SH3GL2: variants seen among roughly 807,000 people sequenced by gnomAD.
SH3GL2 encodes the protein endophilin-A1.
A neutral mutation model predicts 46.0 loss-of-function variants in SH3GL2; 24 were observed. The ratio of observed to expected loss-of-function variants is 0.52; its 90% CI spans 0.38 to 0.73. The LOEUF is 0.73. Among genes scored for constraint, SH3GL2 ranks in the 30% least tolerant of loss-of-function variants. SH3GL2 has a pLI of 0.00. For synonymous variants in SH3GL2, 196 were observed against 147.1 expected (o/e 1.33, Z -2.40); for missense variants, 413 against 424.2 (o/e 0.97, Z 0.23).
chr9:17,755,022 G>A (rs1252626374), intron 2 of SH3GL2, among the ~76,000 whole-genome samples: 1 of 152,116 alleles, frequency 6.6e-6, no homozygotes, highest in Admixed American at 6.5e-5. Flanking sequence ...CCAATACTAT[G>A]TTAAATAGGA....
intron 1 of SH3GL2, among the ~76,000 whole-genome samples, chr9:17,634,971 C>T (rs899310552): frequency 2.6e-5 from 4 of 152,048 alleles, no homozygotes; most frequent in Non-Finnish European, 5.9e-5. Context: ...TTGAGCATTC[C>T]TTTTGTTTGT....
intron 1 of SH3GL2, among the ~76,000 whole-genome samples, chr9:17,684,323 G>A (rs888320327): frequency 6.6e-6 from 1 of 152,070 alleles, no homozygotes. Flanking sequence ...TACCTCCTTG[G>A]TAGAATTGAT....
chr9:17,599,608 T>C (rs938655717), intron 1 of SH3GL2, among the ~76,000 whole-genome samples: 4 of 152,258 alleles, frequency 2.6e-5, no homozygotes, highest in Admixed American at 2.0e-4. Flanking sequence ...TCCAGTCATA[T>C]GATGGAGTTT....
intron 1 of SH3GL2, among the ~76,000 whole-genome samples, chr9:17,615,753 C>T (rs1818979567): frequency 6.7e-6 from 1 of 148,360 alleles, no homozygotes. Flanking sequence ...ACCCACACTA[C>T]TTAATTACAG....
intron 1 of SH3GL2, among the ~76,000 whole-genome samples, chr9:17,702,828 A>G (rs759763861): frequency 2.1e-4 from 32 of 152,092 alleles, no homozygotes; most frequent in Non-Finnish European, 4.1e-4. Flanking sequence ...AGAGATTAAT[A>G]TACTGCAGAA....
At chr9:17,643,472 C>G (rs1348420727) in intron 1 of SH3GL2, among the ~76,000 whole-genome samples, 1 of 152,162 alleles carries the variant, frequency 6.6e-6, no homozygotes, top group African/African-American at 2.4e-5. Flanking sequence ...GGGAATGCTT[C>G]CAGCTTTTGC....
At chr9:17,649,100 C>T (rs1819893942) in intron 1 of SH3GL2, among the ~76,000 whole-genome samples, 3 of 152,134 alleles carry the variant, frequency 2.0e-5, no homozygotes, top group African/African-American at 4.8e-5. Flanking sequence ...CTCTAGTGTA[C>T]ATTTTTCATT....
At chr9:17,615,272 C>T (rs909571923) in intron 1 of SH3GL2, among the ~76,000 whole-genome samples, 5 of 152,128 alleles carry the variant, frequency 3.3e-5, no homozygotes, top group African/African-American at 1.2e-4. Context: ...TCAGATAAAT[C>T]CATATGATAG....
chr9:17,607,640 T>C (rs2134574045), intron 1 of SH3GL2, among the ~76,000 whole-genome samples: 1 of 152,366 alleles, frequency 6.6e-6, no homozygotes, highest in East Asian at 1.9e-4. Flanking sequence ...TTTTCCAAAG[T>C]ATTTTTTACA....
intron 5 of SH3GL2, among the ~76,000 whole-genome samples, chr9:17,787,873 C>G (rs1824005607): frequency 6.6e-6 from 1 of 152,110 alleles, no homozygotes; most frequent in Non-Finnish European, 1.5e-5. Flanking sequence ...GTTAGTTGTA[C>G]TAGTTGTTAG....
intron 1 of SH3GL2, among the ~76,000 whole-genome samples, chr9:17,691,734 C>G (rs888526733): frequency 6.6e-6 from 1 of 152,100 alleles, no homozygotes; most frequent in African/African-American, 2.4e-5. Flanking sequence ...CTAATTTGTA[C>G]TATTCACTAA....
chr9:17,723,756 T>A (rs745737957), intron 1 of SH3GL2, among the ~76,000 whole-genome samples: 1 of 152,124 alleles, frequency 6.6e-6, no homozygotes, highest in African/African-American at 2.4e-5. Flanking sequence ...TTGTGTTTTT[T>A]TTCTCTCTCC....
rs1819904170 is a variant in SH3GL2 at position 17,649,481 on chromosome 9, T to G, written c.45+70194T>G. Among the ~76,000 whole-genome samples, 3 of 152,180 alleles carry G rather than the reference T, an allele frequency of 2.0e-5. No homozygotes were observed. The East Asian group carries it at 5.8e-4, about 29-fold the overall frequency. On this transcript the variant is annotated intron_variant, in intron 1 of 8. Coordinates refer to ENST00000380607, the MANE Select transcript of SH3GL2 (RefSeq NM_003026.5). ...TTGGATCTCTGTTTTCAGTATAATT[T>G]AAGTGAAAAAAATCATAATTGTATG... is the stretch of plus-strand genomic sequence containing the variant.
chr9:17,783,139 T>C (rs192674325), intron 3 of SH3GL2, among the ~76,000 whole-genome samples: 13 of 152,180 alleles, frequency 8.5e-5, no homozygotes, highest in African/African-American at 2.6e-4. Context: ...TGTTTATCAT[T>C]GAACACTGAT....
At chr9:17,665,335 C>T (rs1820317290) in intron 1 of SH3GL2, among the ~76,000 whole-genome samples, 1 of 152,138 alleles carries the variant, frequency 6.6e-6, no homozygotes, top group African/African-American at 2.4e-5. Context: ...GATCCATCCA[C>T]TTGTATTGTG....
intron 8 of SH3GL2, among the ~76,000 whole-genome samples, chr9:17,794,417 C>G (rs1244591832): frequency 6.6e-6 from 1 of 152,152 alleles, no homozygotes; most frequent in Non-Finnish European, 1.5e-5. Context: ...AGGTGGTGCT[C>G]TCTGTCCTTT....
intron 1 of SH3GL2, among the ~76,000 whole-genome samples, chr9:17,726,319 C>G (rs554169934): frequency 6.6e-6 from 1 of 152,242 alleles, no homozygotes; most frequent in Admixed American, 6.5e-5. Context: ...GCTGCGACCT[C>G]TTATATCTTT....
At chr9:17,669,525 A>G (rs1024452608) in intron 1 of SH3GL2, among the ~76,000 whole-genome samples, 7 of 152,204 alleles carry the variant, frequency 4.6e-5, no homozygotes, top group African/African-American at 1.4e-4. Flanking sequence ...ATTATACAGT[A>G]TACAATCCTT....
chr9:17,744,204 G>A (rs1482140593), intron 1 of SH3GL2, among the ~76,000 whole-genome samples: 1 of 152,118 alleles, frequency 6.6e-6, no homozygotes, highest in Non-Finnish European at 1.5e-5. Flanking sequence ...ACTGACATGT[G>A]AGCCAGAACT....
Sources: gnomAD v4.1 joint callset for allele counts (sites outside exome capture counted in the v4.1 genomes callset) on GRCh38, gnomAD v4.1.1 for gene constraint, MANE v1.5 for transcripts, NCBI Gene and HGNC (gene_info 2026-07-23, HGNC 2026-07-21) for gene names.